COL25A1: variants seen among roughly 807,000 people sequenced by gnomAD.
The protein encoded by COL25A1 is collagen type XXV alpha 1 chain, also known as collagen alpha-1(XXV) chain.
In COL25A1, 103 loss-of-function variants were observed where a neutral mutation model predicts 128.4. That is an observed-to-expected ratio of 0.80 (90% CI 0.68 to 0.94). COL25A1 has a LOEUF of 0.94. Ranked by LOEUF, COL25A1 falls within the 40% of genes least tolerant of loss-of-function variation. The pLI is 0.00. For synonymous variants in COL25A1, 279 were observed against 277.2 expected (o/e 1.01, Z -0.06); for missense variants, 745 against 840.0 (o/e 0.89, Z 1.40).
At chr4:108,870,139 C>G (rs533472306) in intron 19 of COL25A1, among the ~76,000 whole-genome samples, 1 of 152,074 alleles carries the variant, frequency 6.6e-6, no homozygotes, top group African/African-American at 2.4e-5. Context: ...GCCTGTCGTC[C>G]CAGCTACTTA....
intron 3 of COL25A1, among the ~76,000 whole-genome samples, chr4:109,239,390 G>GTA (rs1249311994): frequency 1.9e-5 from 2 of 106,756 alleles, no homozygotes; most frequent in Non-Finnish European, 4.0e-5. Context: ...GTGTGTGTGT[G>GTA]TGTGTATATA....
intron 13 of COL25A1, among the ~76,000 whole-genome samples, chr4:108,915,338 G>A (rs996904045): frequency 6.6e-6 from 1 of 152,068 alleles, no homozygotes; most frequent in Non-Finnish European, 1.5e-5. Flanking sequence ...AAGCATTTTT[G>A]TCTTCTTTTT....
chr4:109,214,434 T>C (rs957578997), intron 3 of COL25A1, among the ~76,000 whole-genome samples: 6 of 152,134 alleles, frequency 3.9e-5, no homozygotes, highest in African/African-American at 1.4e-4. Flanking sequence ...ACATTGTTTA[T>C]GTACAGTAAC....
intron 3 of COL25A1, among the ~76,000 whole-genome samples, chr4:109,065,588 G>C (rs1344569596): frequency 6.6e-6 from 1 of 151,326 alleles, no homozygotes; most frequent in African/African-American, 2.4e-5. Context: ...GTGTGCAGGT[G>C]CATGCACGTG....
At chr4:108,936,027 G>A (rs1243840123) in intron 11 of COL25A1, among the ~76,000 whole-genome samples, 1 of 152,098 alleles carries the variant, frequency 6.6e-6, no homozygotes, top group Non-Finnish European at 1.5e-5. Flanking sequence ...AATATACGGG[G>A]AAGAATGTGT....
At chr4:108,889,337 G>A in intron 17 of COL25A1, 81 bp from the exon 18 acceptor site, 2 of 1,348,384 alleles carry the variant, frequency 1.5e-6, no homozygotes, top group Non-Finnish European at 2.1e-6. Flanking sequence ...CACCATCACA[G>A]GGATGGCCTA....
chr4:109,283,311 G>A (rs1011962711), intron 3 of COL25A1, among the ~76,000 whole-genome samples: 3 of 152,118 alleles, frequency 2.0e-5, no homozygotes, highest in Non-Finnish European at 4.4e-5. Context: ...GCAGTGGCAT[G>A]GCCATGGCTC....
intron 17 of COL25A1, among the ~76,000 whole-genome samples, 156 bp from the exon 18 acceptor site, chr4:108,889,412 T>C (rs2125844484): frequency 7.6e-6 from 1 of 131,214 alleles, no homozygotes; most frequent in Middle Eastern, 3.9e-3. Flanking sequence ...TCACTAGACA[T>C]ACGGATTTTT....
At chr4:108,931,678 G>C (rs540055893) in intron 11 of COL25A1, among the ~76,000 whole-genome samples, 2 of 152,298 alleles carry the variant, frequency 1.3e-5, no homozygotes, top group South Asian at 4.1e-4. Flanking sequence ...ACACAGAGCA[G>C]GTCCCCCCAG....
chr4:109,096,709 T>G (rs572250616), intron 3 of COL25A1, among the ~76,000 whole-genome samples: 1 of 152,346 alleles, frequency 6.6e-6, no homozygotes, highest in African/African-American at 2.4e-5. Context: ...ATAGAAACTT[T>G]TCATAAGTTC....
intron 3 of COL25A1, among the ~76,000 whole-genome samples, chr4:109,214,518 A>G (rs1777831376): frequency 1.3e-5 from 2 of 152,174 alleles, no homozygotes; most frequent in African/African-American, 2.4e-5. Context: ...TGTTAGAAAC[A>G]CTAATAGTCG....
intron 3 of COL25A1, among the ~76,000 whole-genome samples, chr4:109,100,474 C>T (rs6856587): frequency 0.088 from 13,142 of 150,194 alleles, 785 homozygotes; most frequent in East Asian, 0.29. Context: ...GTAGGTCTCA[C>T]GCTGTCTGTG....
At chr4:109,026,081 T>G (rs1758238326) in intron 5 of COL25A1, among the ~76,000 whole-genome samples, 1 of 144,890 alleles carries the variant, frequency 6.9e-6, no homozygotes, top group South Asian at 2.2e-4. Flanking sequence ...GTTAGAAATA[T>G]CCACATATAA....
intron 6 of COL25A1, among the ~76,000 whole-genome samples, chr4:108,984,979 T>C (rs1489716506): frequency 6.6e-6 from 1 of 152,212 alleles, no homozygotes; most frequent in Admixed American, 6.5e-5. Flanking sequence ...AAGGGTAAGA[T>C]GTTCCTTGGA....
intron 3 of COL25A1, among the ~76,000 whole-genome samples, chr4:109,173,756 T>C (rs945710882): frequency 6.6e-6 from 1 of 152,214 alleles, no homozygotes. Flanking sequence ...TTGTCAACTA[T>C]AATTCTTATA....
At position 108,863,299 on chromosome 4, in the gene COL25A1, C is replaced by T. The variant is rs752169727; in HGVS notation, c.1152+20G>A. ...AATCAAGCCAGAGAATGGTTATTTTCCAGTTTAAGAATAACTCACCTTTGG... is the reference window on the plus strand; with the variant it reads ...AATCAAGCCAGAGAATGGTTATTTTTCAGTTTAAGAATAACTCACCTTTGG... On this transcript the variant is annotated intron_variant, in intron 21 of 37. Transcript: ENST00000399132. The T allele has an allele frequency of 3.7e-6, 6 of 1,609,002 alleles. No homozygotes were observed. The African/African-American group carries it at 8.0e-5, about 22-fold the overall frequency.
intron 18 of COL25A1, among the ~76,000 whole-genome samples, chr4:108,888,467 A>G (rs1399862544): frequency 6.6e-6 from 1 of 152,222 alleles, no homozygotes; most frequent in Non-Finnish European, 1.5e-5. Context: ...TCTGTGGTCT[A>G]AAATCTGACT....
chr4:109,152,911 TAC>T (rs1771647809), intron 3 of COL25A1, among the ~76,000 whole-genome samples: 2 of 151,834 alleles, frequency 1.3e-5, no homozygotes, highest in Non-Finnish European at 2.9e-5. Flanking sequence ...GTTTAATGGG[TAC>T]AGAGATTCAG....
At chr4:108,964,455 T>G (rs1751078782) in intron 8 of COL25A1, among the ~76,000 whole-genome samples, 1 of 152,100 alleles carries the variant, frequency 6.6e-6, no homozygotes, top group African/African-American at 2.4e-5. Context: ...TGAATTACTA[T>G]ATTTATTCAG....
Sources: allele counts gnomAD v4.1 joint callset (sites outside exome capture counted in the v4.1 genomes callset), GRCh38; gene constraint gnomAD v4.1.1; transcripts MANE v1.5; gene names NCBI Gene and HGNC (gene_info 2026-07-23, HGNC 2026-07-21).